Variants in TANC2 observed in about 807,000 individuals in gnomAD.
The protein encoded by TANC2 is tetratricopeptide repeat, ankyrin repeat and coiled-coil containing 2.
Under a neutral mutation model 210.5 loss-of-function variants are expected in TANC2, and 26 were observed. That is an observed-to-expected ratio of 0.12 (90% CI 0.09 to 0.17). The LOEUF is 0.17. Ranked by LOEUF, TANC2 falls within the 10% of genes least tolerant of loss-of-function variation. TANC2 has a pLI of 1.00. For synonymous variants in TANC2, 931 were observed against 967.1 expected, an observed-to-expected ratio of 0.96 and a Z score of 0.69; for missense variants, 2,129 against 2,608.9, an observed-to-expected ratio of 0.82 and a Z score of 4.01.
intron 3 of TANC2, among the ~76,000 whole-genome samples, chr17:63,079,342 C>T (rs923874501): frequency 1.3e-5 from 2 of 152,148 alleles, no homozygotes; most frequent in Non-Finnish European, 2.9e-5. Context: ...CAGCTGGAAA[C>T]TCATTGCTGA....
At chr17:63,254,688 A>G (rs1470728732) in intron 8 of TANC2, among the ~76,000 whole-genome samples, 1 of 152,064 alleles carries the variant, frequency 6.6e-6, no homozygotes, top group Non-Finnish European at 1.5e-5. Flanking sequence ...TCATGAAGGG[A>G]TGTTGAACTT....
chr17:63,123,532 C>T (rs2038570650), intron 4 of TANC2, among the ~76,000 whole-genome samples: 1 of 146,982 alleles, frequency 6.8e-6, no homozygotes, highest in Admixed American at 6.8e-5. Flanking sequence ...GCACTCCAGC[C>T]TGGGCGACAA....
Position 63,170,270 on chromosome 17 carries a change from C to CA in TANC2, c.433+18903dup, listed in dbSNP as rs1390152774. 8.7e-3 allele frequency among the ~76,000 whole-genome samples: 1,060 copies of CA among 122,396 alleles called. 5 individuals carry two copies. Among genetic ancestry groups the CA allele is most frequent in the East Asian group, 0.018 (78 of 4,258 alleles). The allele number at this position is 122,396 out of a possible 152,430, so 80.3% of individuals were successfully genotyped here. Reference sequence around the variant, plus strand: ...TGAAATCCCATCTCTACTAAAAATACAAAAAAAAAAAAAGGTTAGCTGGGT... The same window carrying CA: ...TGAAATCCCATCTCTACTAAAAATACAAAAAAAAAAAAAAGGTTAGCTGGGT... On this transcript the variant is annotated intron_variant, in intron 5 of 27. Transcript: ENST00000689528.
chr17:63,081,017 G>A lies in TANC2; in HGVS notation c.139+7003G>A, dbSNP rs1458102059. On this transcript the variant is annotated intron_variant, in intron 3 of 27. Coordinates refer to ENST00000689528, the Ensembl canonical transcript of TANC2. Reference sequence around the variant, plus strand: ...TTCAAATCAGTATTGTTGGTAGCATGTATTTAGAACCTTTTCATTCTGATA... The same window carrying A: ...TTCAAATCAGTATTGTTGGTAGCATATATTTAGAACCTTTTCATTCTGATA... Among the ~76,000 whole-genome samples the A allele has an allele frequency of 2.0e-5, 3 of 152,076 alleles. 1 individual carries two copies. The highest frequency in any genetic ancestry group is 7.2e-5 in the African/African-American group (3 of 41,418).
intron 14 of TANC2, among the ~76,000 whole-genome samples, chr17:63,365,895 C>A (rs1277367188): frequency 1.3e-5 from 2 of 152,074 alleles, no homozygotes; most frequent in African/African-American, 4.8e-5. Context: ...TACCTCCTTT[C>A]TAACACTTAT....
chr17:63,081,201 T>C (rs2036758254), intron 3 of TANC2, among the ~76,000 whole-genome samples: 1 of 152,196 alleles, frequency 6.6e-6, no homozygotes, highest in African/African-American at 2.4e-5. Flanking sequence ...TTTTATAAAA[T>C]TAAACTTGAG....
chr17:62,994,631 T>C (rs1480751537), intron 1 of TANC2, among the ~76,000 whole-genome samples: 2 of 152,186 alleles, frequency 1.3e-5, no homozygotes, highest in Non-Finnish European at 2.9e-5. Flanking sequence ...AAAGTTTTTG[T>C]CTGTTACTAA....
At chr17:63,392,194 C>T (rs901857255) in intron 17 of TANC2, among the ~76,000 whole-genome samples, 6 of 152,156 alleles carry the variant, frequency 3.9e-5, no homozygotes, top group African/African-American at 1.4e-4. Context: ...GGTTCTAGTT[C>T]TCCTACCTAC....
intron 9 of TANC2, among the ~76,000 whole-genome samples, chr17:63,270,225 T>TA (rs1350131438): frequency 6.6e-6 from 1 of 152,166 alleles, no homozygotes; most frequent in Non-Finnish European, 1.5e-5. Context: ...AGTAACATGT[T>TA]ATCTTAATTA....
At chr17:63,060,222 G>T (rs1231342924) in intron 2 of TANC2, among the ~76,000 whole-genome samples, 1 of 152,158 alleles carries the variant, frequency 6.6e-6, no homozygotes, top group Admixed American at 6.5e-5. Flanking sequence ...GTTAATTTTT[G>T]TTGTTGTTCA....
intron 8 of TANC2, among the ~76,000 whole-genome samples, chr17:63,259,956 A>G (rs541562292): frequency 6.6e-6 from 1 of 152,316 alleles, no homozygotes; most frequent in Admixed American, 6.5e-5. Context: ...AAATATTTCA[A>G]GCGCAGAGAG....
At chr17:63,087,556 G>C (rs938030095) in intron 3 of TANC2, among the ~76,000 whole-genome samples, 3 of 152,070 alleles carry the variant, frequency 2.0e-5, no homozygotes, top group African/African-American at 7.2e-5. Flanking sequence ...TCTCCTGATG[G>C]TTAAGAAGAA....
intron 5 of TANC2, among the ~76,000 whole-genome samples, chr17:63,163,666 G>A (rs1343360822): frequency 2.0e-5 from 3 of 152,050 alleles, no homozygotes; most frequent in Non-Finnish European, 2.9e-5. Flanking sequence ...ATTTGTTGAC[G>A]ACTATAGTAG....
intron 26 of TANC2, among the ~76,000 whole-genome samples, chr17:63,416,248 T>C (rs2048857791): frequency 6.6e-6 from 1 of 152,150 alleles, no homozygotes; most frequent in Admixed American, 6.5e-5. Context: ...CCACGGTCCT[T>C]CCTGCCTACC....
At chr17:62,998,256 A>G (rs564487005) in intron 1 of TANC2, among the ~76,000 whole-genome samples, 1 of 152,356 alleles carries the variant, frequency 6.6e-6, no homozygotes, top group Non-Finnish European at 1.5e-5. Context: ...TCTCTGAGAA[A>G]TATGGGGTTG....
intron 3 of TANC2, among the ~76,000 whole-genome samples, chr17:63,084,423 AT>A (rs963851317): frequency 1.3e-5 from 2 of 148,792 alleles, no homozygotes; most frequent in Non-Finnish European, 3.0e-5. Flanking sequence ...GATCTTTTCA[AT>A]TTTTTTTCTT....
At chr17:63,061,432 G>T (rs1048796842) in intron 2 of TANC2, among the ~76,000 whole-genome samples, 1 of 152,052 alleles carries the variant, frequency 6.6e-6, no homozygotes, top group Non-Finnish European at 1.5e-5. Flanking sequence ...ATACTCAAAT[G>T]ATCCCCCCCT....
chr17:63,085,195 G>C (rs2036914535), intron 3 of TANC2, among the ~76,000 whole-genome samples: 1 of 152,086 alleles, frequency 6.6e-6, no homozygotes, highest in African/African-American at 2.4e-5. Flanking sequence ...AAGTCTTGTT[G>C]GGGAATTGAC....
At chr17:63,321,833 C>T (rs1338335063) in intron 11 of TANC2, among the ~76,000 whole-genome samples, 1 of 152,132 alleles carries the variant, frequency 6.6e-6, no homozygotes, top group Non-Finnish European at 1.5e-5. Flanking sequence ...AGGTAGTCAC[C>T]TGGCTGGGCA....
Sources: allele counts gnomAD v4.1 joint callset (sites outside exome capture counted in the v4.1 genomes callset), GRCh38; gene constraint gnomAD v4.1.1; transcripts MANE v1.5; gene names NCBI Gene and HGNC (gene_info 2026-07-23, HGNC 2026-07-21).